TULP2: variants seen among roughly 807,000 people sequenced by gnomAD.
TULP2 encodes the protein TUB like protein 2.
TULP2 carries 64 observed loss-of-function variants against 60.3 expected under a neutral mutation model. The ratio of observed to expected loss-of-function variants is 1.06; its 90% CI spans 0.87 to 1.31. The LOEUF is 1.31. Among genes scored for constraint, TULP2 ranks in the 50% most tolerant of loss-of-function variants. TULP2 has a pLI of 0.00. For missense variants in TULP2, 652 were observed against 667.0 expected (o/e 0.98, Z 0.25); for synonymous variants, 267 against 265.4 (o/e 1.01, Z -0.06).
At chr19:48,881,977 C>G in intron 12 of TULP2, 55 bp downstream of exon 12, 1 of 1,612,304 alleles carries the variant, frequency 6.2e-7, no homozygotes, top group Non-Finnish European at 8.5e-7. Flanking sequence ...CCCTTCCGTT[C>G]ACACCCTAAC....
intron 12 of TULP2, 64 bp downstream of exon 12, chr19:48,881,968 C>T (rs1262265820): frequency 1.9e-6 from 3 of 1,606,836 alleles, no homozygotes; most frequent in East Asian, 2.2e-5. Context: ...GATGTAGTTC[C>T]CTTCCGTTCA....
chr19:48,887,833 T>C (rs1568571462), intron 8 of TULP2, 117 bp downstream of exon 8: 1 of 1,126,422 alleles, frequency 8.9e-7, no homozygotes. Flanking sequence ...GCTGGGATTA[T>C]AGGCGTGAGC....
At chr19:48,884,096 T>C (rs1299259909) in intron 9 of TULP2, 50 bp from the exon 10 acceptor site, 1 of 1,448,872 alleles carries the variant, frequency 6.9e-7, no homozygotes, top group African/African-American at 1.4e-5. Context: ...TGTTACTCTT[T>C]GAGTAAGTGT....
chr19:48,895,650 C>T lies in TULP2; in HGVS notation c.212-147G>A, dbSNP rs995466967. On this transcript the variant is annotated intron_variant, in intron 4 of 12. Transcript: ENST00000221399. Reference sequence around the variant, plus strand: ...ATCCCAGCACTTTGGGAGGCCGAGGCAGGCGGATCACCTGAGGTCGGGAGT... The same window carrying T: ...ATCCCAGCACTTTGGGAGGCCGAGGTAGGCGGATCACCTGAGGTCGGGAGT... The T allele has an allele frequency of 7.2e-6, 7 of 974,008 alleles. No individual in the cohort carries two copies. In the African/African-American group the frequency reaches 1.1e-4, roughly 16 times the overall value. 60.3% of individuals were successfully genotyped at this position (974,008 alleles called of 1,614,324 possible). A position where few individuals can be genotyped will look rare whatever the true frequency, so the allele number is the denominator to read the frequency against.
At chr19:48,884,141 A>G (rs1218103424) in intron 9 of TULP2, 95 bp from the exon 10 acceptor site, 1 of 994,840 alleles carries the variant, frequency 1.0e-6, no homozygotes, top group Non-Finnish European at 1.5e-6. Context: ...TCAATCCCCT[A>G]TGTCTAAGAC....
chr19:48,894,036 A>G (rs1568576077), intron 6 of TULP2, among the ~76,000 whole-genome samples: 1 of 149,630 alleles, frequency 6.7e-6, no homozygotes, highest in African/African-American at 2.5e-5. Context: ...AACAGAACCA[A>G]TTTTTTTTTT....
At chr19:48,894,466 C>A (rs2037260405) in intron 6 of TULP2, among the ~76,000 whole-genome samples, 1 of 151,980 alleles carries the variant, frequency 6.6e-6, no homozygotes, top group Non-Finnish European at 1.5e-5. Context: ...CATGGTGAAA[C>A]CCCATCTTTA....
chr19:48,883,662 T>C, intron 11 of TULP2, 92 bp downstream of exon 11: 1 of 1,440,584 alleles, frequency 6.9e-7, no homozygotes, highest in South Asian at 1.2e-5. Flanking sequence ...GGCCTCCTCT[T>C]CCTCCTCTTC....
chr19:48,896,797 T>G, intron 3 of TULP2: 1 of 427,008 alleles, frequency 2.3e-6, no homozygotes, highest in Non-Finnish European at 4.1e-6. Flanking sequence ...AGTCCTGCCT[T>G]CTAGAAGCCT....
intron 6 of TULP2, among the ~76,000 whole-genome samples, chr19:48,891,323 CAA>C (rs58111671): frequency 2.4e-5 from 3 of 123,046 alleles, no homozygotes; most frequent in Non-Finnish European, 3.3e-5. Flanking sequence ...GACTCCGTCT[CAA>C]AAAAAAAAAA....
At chr19:48,881,288 C>T (rs540554985) in intron 12 of TULP2, among the ~76,000 whole-genome samples, 162 bp from the exon 13 acceptor site, 1 of 147,564 alleles carries the variant, frequency 6.8e-6, no homozygotes, top group Non-Finnish European at 1.5e-5. Context: ...TGGCTCACTG[C>T]AACCTCCACC....
chr19:48,898,393 C>T (rs766770113), intron 1 of TULP2, 197 bp downstream of exon 1: 1 of 150,290 alleles, frequency 6.7e-6, no homozygotes, highest in Non-Finnish European at 1.5e-5. Context: ...TCTCTCTCCC[C>T]CAAATATCTA....
chr19:48,896,643 C>T (rs937570590), intron 3 of TULP2, 87 bp from the exon 4 acceptor site: 3 of 1,446,384 alleles, frequency 2.1e-6, no homozygotes, highest in African/African-American at 1.4e-5. Flanking sequence ...GGGCTCGCAT[C>T]GGCGCGAGAG....
At chr19:48,895,549 G>A (rs1180339594) in intron 4 of TULP2, 46 bp from the exon 5 acceptor site, 2 of 1,569,654 alleles carry the variant, frequency 1.3e-6, no homozygotes, top group South Asian at 1.1e-5. Context: ...TACAAATTCC[G>A]GTCCTCAACC....
Position 48,897,697 on chromosome 19 carries a change from CACAGGAG to C in TULP2, c.32+133_32+139del. On this transcript the variant is annotated intron_variant, in intron 2 of 12. Transcript: ENST00000221399. The surrounding 1 kb of genome is among the most constrained non-coding windows in gnomAD (Gnocchi z 4.0). ...GCACCCTAGCCCCATCCCTTCAGGA[CACAGGAG>C]TCCAGGTCCCCAGCCCCTTCCTGCA... is the stretch of plus-strand genomic sequence containing the variant. 1 of 998,874 alleles carries C rather than the reference CACAGGAG, an allele frequency of 1.0e-6. No homozygotes were observed. Among genetic ancestry groups the C allele is most frequent in the Non-Finnish European group, 1.6e-6 (1 of 629,978 alleles). 61.9% of individuals were successfully genotyped at this position (998,874 alleles called of 1,614,324 possible).
rs148776566 is a variant in TULP2 at position 48,884,383 on chromosome 19, C to G, written c.1062-337G>C. Among the ~76,000 whole-genome samples the G allele has an allele frequency of 8.0e-3, 1,216 of 152,100 alleles. 25 individuals carry two copies. Among genetic ancestry groups the G allele is most frequent in the African/African-American group, 0.027 (1,121 of 41,492 alleles). On this transcript the variant is annotated intron_variant, in intron 9 of 12. Coordinates refer to ENST00000221399, the MANE Select transcript of TULP2 (RefSeq NM_003323.3). The stretch of plus-strand genomic sequence containing the variant: ...CACCTGAGCCCCAGAGGTCAAGCCT[C>G]CAATGAGCCGTGATCTTGCCACTGC...
intron 4 of TULP2, among the ~76,000 whole-genome samples, chr19:48,896,039 C>CTA (rs2037275832): frequency 6.6e-6 from 1 of 152,202 alleles, no homozygotes; most frequent in Admixed American, 6.5e-5. Flanking sequence ...AATGAGACCG[C>CTA]GCCCCGCCCC....
At chr19:48,883,284 G>T (rs936634139) in intron 11 of TULP2, among the ~76,000 whole-genome samples, 6 of 150,982 alleles carry the variant, frequency 4.0e-5, no homozygotes, top group Non-Finnish European at 8.8e-5. Flanking sequence ...TCTGGGAATT[G>T]CCCACCCCTT....
chr19:48,884,710 T>C (rs1469473392), intron 9 of TULP2, among the ~76,000 whole-genome samples: 5 of 150,366 alleles, frequency 3.3e-5, no homozygotes, highest in Non-Finnish European at 7.4e-5. Flanking sequence ...GCGGAGGTTG[T>C]AGTGAGCCGA....
Sources: gnomAD v4.1 joint callset for allele counts (sites outside exome capture counted in the v4.1 genomes callset) on GRCh38, gnomAD v4.1.1 for gene constraint, Gnocchi (gnomAD v3.1) non-coding constraint, MANE v1.5 for transcripts, NCBI Gene and HGNC (gene_info 2026-07-23, HGNC 2026-07-21) for gene names.